CDC42BPB: variants seen among roughly 807,000 people sequenced by gnomAD.
CDC42BPB encodes serine/threonine-protein kinase MRCK beta.
CDC42BPB carries 37 observed loss-of-function variants against 214.9 expected under a neutral mutation model. That is an observed-to-expected ratio of 0.17 (90% CI 0.13 to 0.23). The LOEUF (loss-of-function observed/expected upper bound fraction) is 0.23, where lower values mean the gene tolerates loss of function less well. Ranked by LOEUF, CDC42BPB falls within the 10% of genes least tolerant of loss-of-function variation. CDC42BPB has a pLI of 1.00. For synonymous variants in CDC42BPB, 931 were observed against 884.0 expected, an observed-to-expected ratio of 1.05 and a Z score of -0.94; for missense variants, 1,694 against 2,227.0, an observed-to-expected ratio of 0.76 and a Z score of 4.82.
chr14:103,053,662 T>A lies in CDC42BPB; in HGVS notation c.175+3337A>T, dbSNP rs540917074. ...CTGTAGTCCCAGCTACTCAGGAGGCTGAGGCAGGAGAACAACGTGAACCCG... is the reference window on the plus strand; with the variant it reads ...CTGTAGTCCCAGCTACTCAGGAGGCAGAGGCAGGAGAACAACGTGAACCCG... On this transcript the variant is annotated intron_variant, in intron 1 of 36. Coordinates refer to ENST00000361246, the MANE Select transcript of CDC42BPB (RefSeq NM_006035.4). Among the ~76,000 whole-genome samples the A allele has an allele frequency of 5.2e-3, 771 of 148,258 alleles. 5 individuals are homozygous for A. The highest frequency in any genetic ancestry group is 8.1e-3 in the Non-Finnish European group (541 of 67,166).
chr14:103,057,407 G>A lies in CDC42BPB; in HGVS notation c.-234C>T. ...GTCCATGGGCCGCTCTCCTCCCCTC[G>A]GCGCCGCCGCCCTCCCAGCTCGGGC... On this transcript the variant is annotated 5_prime_UTR_variant, in exon 1 of 37. Coordinates refer to ENST00000361246, the MANE Select transcript of CDC42BPB (RefSeq NM_006035.4). The A allele has an allele frequency of 1.2e-6, 1 of 806,054 alleles. No individual in the cohort carries two copies. Among genetic ancestry groups the A allele is most frequent in the Non-Finnish European group, 1.5e-6 (1 of 666,450 alleles). The allele number at this position is 806,054 out of a possible 1,614,324, so 49.9% of individuals were successfully genotyped here. A position where few individuals can be genotyped will look rare whatever the true frequency, so the allele number is the denominator to read the frequency against.
chr14:102,966,514 A>G, intron 17 of CDC42BPB, 127 bp from the exon 18 acceptor site: 21 of 1,479,028 alleles, frequency 1.4e-5, no homozygotes, highest in Non-Finnish European at 1.8e-5. Flanking sequence ...GAGTGCCCGC[A>G]GTGTACCCGT....
chr14:102,994,598 A>AG (rs1172455241), intron 5 of CDC42BPB, among the ~76,000 whole-genome samples: 16 of 152,212 alleles, frequency 1.1e-4, no homozygotes, highest in Non-Finnish European at 2.2e-4. Flanking sequence ...CGGCGTCTTC[A>AG]GGGGAGAGTC....
Position 102,944,192 on chromosome 14 carries a change from C to G in CDC42BPB, c.4107G>C (p.Glu1369Asp). The change falls in exon 30 of 37, where the codon GAG becomes GAC. Residue 1369 changes from glutamate (E) to aspartate (D), a missense_variant. Glu to Asp is a conservative substitution (Grantham distance 45). Around this residue, in one of 7 missense-constraint regions of CDC42BPB, gnomAD observed 567 missense variants for 790.3 expected, o/e 0.72. Transcript: ENST00000361246. This position sits in a 1 kb window ranked among gnomAD's most constrained non-coding sequence, Gnocchi z 6.6. The stretch of plus-strand genomic sequence containing the variant: ...ACTGCACGCTGCCGGGAGCCACAAT[C>G]TCATTGAACTTTCTGTGGAATGGCT... The part of the protein sequence containing the change: ...RTKPFHRKFN[E>D]IVAPGSVQCL... 1 of 1,613,380 alleles carries G rather than the reference C, an allele frequency of 6.2e-7. No homozygotes were observed. The highest frequency in any genetic ancestry group is 8.5e-7 in the Non-Finnish European group (1 of 1,180,038).
intron 9 of CDC42BPB, among the ~76,000 whole-genome samples, chr14:102,977,337 T>TC: frequency 3.0e-5 from 1 of 33,542 alleles, no homozygotes; most frequent in South Asian, 1.4e-3. Flanking sequence ...AGACTCCGTC[T>TC]CCAAAAAAAA....
At chr14:102,963,790 T>TATAA (rs1390813972) in intron 19 of CDC42BPB, among the ~76,000 whole-genome samples, 1 of 152,218 alleles carries the variant, frequency 6.6e-6, no homozygotes, top group East Asian at 1.9e-4. Flanking sequence ...CAATTCCCAG[T>TATAA]ATAAAGAAAG....
intron 8 of CDC42BPB, among the ~76,000 whole-genome samples, chr14:102,980,385 C>T (rs867756957): frequency 2.6e-5 from 4 of 151,920 alleles, no homozygotes; most frequent in Admixed American, 1.3e-4. Context: ...CTCAGCTACT[C>T]GGGAGGCTGA....
At position 102,939,720 on chromosome 14, in the gene CDC42BPB, G is replaced by C; in HGVS notation, c.4717C>G (p.Leu1573Val). Reference protein sequence around the residue: ...EERLQQRREMLRDPELRSKMI... With the variant: ...EERLQQRREMVRDPELRSKMI... ...TTGGATCTCAATTCTGGGTCTCTAA[G>C]CATCTCTCTGGGGAAAGGACACACT... is the stretch of plus-strand genomic sequence containing the variant. The change falls in exon 34 of 37, where the codon CTT (leucine) becomes GTT (valine). Residue 1573 changes from leucine (L) to valine (V), a missense_variant. This residue lies in a region of CDC42BPB where 567 missense variants were observed against 790.3 expected (regional missense o/e 0.72). Coordinates refer to ENST00000361246, the MANE Select transcript of CDC42BPB (RefSeq NM_006035.4). The C allele has an allele frequency of 6.2e-7, 1 of 1,614,156 alleles. No homozygotes were observed. Among genetic ancestry groups the C allele is most frequent in the Non-Finnish European group, 8.5e-7 (1 of 1,180,010 alleles).
rs763623314 is a variant in CDC42BPB at position 102,938,366 on chromosome 14, T to G, written c.4873A>C (p.Thr1625Pro). 1.9e-6 allele frequency: 3 copies of G among 1,586,870 alleles called. No homozygotes were observed. The highest frequency in any genetic ancestry group is 1.2e-5 in the South Asian group (1 of 85,168). Residue 1625 changes from threonine to proline, a missense_variant, in exon 35 of 37, where the codon ACC becomes CCC. Physicochemically the swap from Thr to Pro is conservative, Grantham distance 38. This residue lies in a region of CDC42BPB where 146 missense variants were observed against 134.1 expected (regional missense o/e 1.09). Transcript: ENST00000361246. ...GATGGAGGCTGGCGAGCCAGGTTGGTGGGAGCGGGGCCCGGCCTTTCCTCC... is the reference window on the plus strand; with the variant it reads ...GATGGAGGCTGGCGAGCCAGGTTGGGGGGAGCGGGGCCCGGCCTTTCCTCC... ...SQEERPGPAP[T>P]NLARQPPSRN...
chr14:103,023,297 A>G (rs1886873250), intron 1 of CDC42BPB, among the ~76,000 whole-genome samples: 1 of 151,544 alleles, frequency 6.6e-6, no homozygotes, highest in South Asian at 2.1e-4. Context: ...CCTCCCGAGT[A>G]GCTGGGATTA....
intron 5 of CDC42BPB, among the ~76,000 whole-genome samples, chr14:102,996,535 G>T (rs985934007): frequency 6.6e-6 from 1 of 151,954 alleles, no homozygotes; most frequent in Admixed American, 6.6e-5. Context: ...CTTATGGGCC[G>T]GGGGAGGTGG....
At chr14:103,034,354 T>A (rs1439740971) in intron 1 of CDC42BPB, among the ~76,000 whole-genome samples, 2 of 152,212 alleles carry the variant, frequency 1.3e-5, no homozygotes, top group African/African-American at 4.8e-5. Context: ...TTATCTCATT[T>A]TAAAAATACA....
intron 1 of CDC42BPB, among the ~76,000 whole-genome samples, chr14:103,032,547 A>T (rs1020113502): frequency 3.3e-5 from 5 of 151,220 alleles, no homozygotes; most frequent in African/African-American, 1.2e-4. Context: ...AAAAAAAAAA[A>T]AAAAAAAAAG....
At chr14:103,046,270 C>A (rs1414024434) in intron 1 of CDC42BPB, among the ~76,000 whole-genome samples, 1 of 152,032 alleles carries the variant, frequency 6.6e-6, no homozygotes, top group Non-Finnish European at 1.5e-5. Context: ...GACTTACAGC[C>A]CCAAAATAAA....
chr14:102,949,425 G>A (rs1175110413), intron 26 of CDC42BPB, among the ~76,000 whole-genome samples: 1 of 151,998 alleles, frequency 6.6e-6, no homozygotes, highest in Non-Finnish European at 1.5e-5. Flanking sequence ...TGTGGGCCGC[G>A]TGGCTTTTCT....
chr14:103,032,135 A>C (rs1887415300), intron 1 of CDC42BPB, among the ~76,000 whole-genome samples: 1 of 152,120 alleles, frequency 6.6e-6, no homozygotes, highest in African/African-American at 2.4e-5. Flanking sequence ...CTGGAGAAGC[A>C]ACACGTATTT....
At chr14:103,038,205 C>T (rs1367264315) in intron 1 of CDC42BPB, among the ~76,000 whole-genome samples, 2 of 143,786 alleles carry the variant, frequency 1.4e-5, no homozygotes, top group South Asian at 2.3e-4. Context: ...CATGGTGGCA[C>T]ATGCCTGTAG....
Position 102,999,495 on chromosome 14 carries a change from T to C in CDC42BPB, c.596+70A>G, listed in dbSNP as rs2139592758. 1.0e-5 allele frequency: 16 copies of C among 1,530,438 alleles called. No homozygotes were observed. The South Asian group carries it at 1.6e-4, about 15-fold the overall frequency. The allele number at this position is 1,530,438 out of a possible 1,614,324, so 94.8% of individuals were successfully genotyped here. Reference sequence around the variant, plus strand: ...CATGGCTTCTTGGGACGGCCTGGACTTGGGAGCTCTGAAAGGAGTCTTTTA... The same window carrying C: ...CATGGCTTCTTGGGACGGCCTGGACCTGGGAGCTCTGAAAGGAGTCTTTTA... On this transcript the variant is annotated intron_variant, in intron 5 of 36. Coordinates refer to ENST00000361246, the MANE Select transcript of CDC42BPB (RefSeq NM_006035.4).
chr14:102,970,369 C>A, intron 13 of CDC42BPB, 108 bp from the exon 14 acceptor site: 3 of 1,459,956 alleles, frequency 2.1e-6, no homozygotes, highest in Non-Finnish European at 2.7e-6. Context: ...AGGAGCTCTG[C>A]GCGTGTTCAC....
Sources: gnomAD v4.1 joint callset for allele counts (sites outside exome capture counted in the v4.1 genomes callset) on GRCh38, gnomAD v4.1.1 for gene constraint, gnomAD v4.1.1 regional missense constraint, Gnocchi (gnomAD v3.1) non-coding constraint, MANE v1.5 for transcripts, NCBI Gene and HGNC (gene_info 2026-07-23, HGNC 2026-07-21) for gene names.